The following KIF3C variants were observed in gnomAD, a reference collection of about 807,000 sequenced individuals.
The protein encoded by KIF3C is kinesin family member 3C.
In KIF3C, 12 loss-of-function variants were observed where a neutral mutation model predicts 67.7. That is an observed-to-expected ratio of 0.18 (90% CI 0.11 to 0.29). The LOEUF is 0.29. Ranked by LOEUF, KIF3C falls within the 10% of genes least tolerant of loss-of-function variation. KIF3C has a pLI of 1.00. For missense variants in KIF3C, 789 were observed against 1,059.6 expected (o/e 0.74, Z 3.55); for synonymous variants, 393 against 426.2 (o/e 0.92, Z 0.96).
intron 5 of KIF3C, among the ~76,000 whole-genome samples, chr2:25,933,466 T>C (rs962115413): frequency 3.3e-5 from 5 of 151,830 alleles, no homozygotes; most frequent in African/African-American, 1.2e-4. Context: ...AGCCCAGAAA[T>C]TTGAGTCCAG....
In KIF3C at chr2:25,963,671, T is replaced by G. The variant is rs930338749; in HGVS notation, c.1546-7227A>C. Among the ~76,000 whole-genome samples, 433 of 100,840 alleles carry G rather than the reference T, an allele frequency of 4.3e-3. 2 individuals carry two copies. Among genetic ancestry groups the G allele is most frequent in the African/African-American group, 0.019 (417 of 21,488 alleles). The allele number at this position is 100,840 out of a possible 152,430, so 66.2% of individuals were successfully genotyped here. A position where few individuals can be genotyped will look rare whatever the true frequency, so the allele number is the denominator to read the frequency against. On this transcript the variant is annotated intron_variant, in intron 1 of 7. Coordinates refer to ENST00000264712, the MANE Select transcript of KIF3C (RefSeq NM_002254.8). ...ACAGCATCATAGGCATGAAGTATTA[T>G]TATTATTATTATTATTATTATTATT... is the stretch of plus-strand genomic sequence containing the variant.
At chr2:25,963,995 A>G (rs1339017094) in intron 1 of KIF3C, among the ~76,000 whole-genome samples, 1 of 152,072 alleles carries the variant, frequency 6.6e-6, no homozygotes, top group Non-Finnish European at 1.5e-5. Flanking sequence ...CTGGCTCCGC[A>G]TGAAGTATTA....
chr2:25,951,362 G>C lies in KIF3C; in HGVS notation c.2006+427C>G, dbSNP rs143632545. On this transcript the variant is annotated intron_variant, in intron 5 of 7. Transcript: ENST00000264712. Reference sequence around the variant, plus strand: ...CCACTGGACTGTGAGCTCGGACCATGTCTAATTTATCTTCTGTCTCCTGAG... The same window carrying C: ...CCACTGGACTGTGAGCTCGGACCATCTCTAATTTATCTTCTGTCTCCTGAG... 2.8e-3 allele frequency: 489 copies of C among 171,796 alleles called. 5 individuals are homozygous for C. The highest frequency in any genetic ancestry group is 0.022 in the Admixed American group (385 of 17,508). The allele number at this position is 171,796 out of a possible 1,614,324, so 10.6% of individuals were successfully genotyped here. A position where few individuals can be genotyped will look rare whatever the true frequency, so the allele number is the denominator to read the frequency against.
intron 1 of KIF3C, among the ~76,000 whole-genome samples, chr2:25,974,258 C>T (rs886706658): frequency 4.6e-4 from 70 of 152,148 alleles, no homozygotes; most frequent in African/African-American, 1.6e-3. Context: ...TTAGTAGAGA[C>T]GGGGTTTCAC....
Position 25,951,857 on chromosome 2 carries a change from G to A in KIF3C, c.1938C>T (p.Ile646=). 6.2e-7 allele frequency: 1 copy of A among 1,614,096 alleles called. No homozygotes were observed. The highest frequency in any genetic ancestry group is 1.1e-5 in the South Asian group (1 of 91,076). The change falls in exon 5 of 8, where the codon ATC becomes ATT. Residue 646 remains isoleucine (I), a synonymous_variant. Coordinates refer to ENST00000264712, the MANE Select transcript of KIF3C (RefSeq NM_002254.8). The part of the protein sequence containing the change: ...NFIPPEEKNK[I]MNRLFLDCEE... ...CACAGTCCAGGAAAAGCCGGTTCAT[G>A]ATCTTGTTCTTCTCCTCCGGCGGGA...
chr2:25,979,410 G>C (rs1439900977), intron 1 of KIF3C, among the ~76,000 whole-genome samples: 1 of 152,102 alleles, frequency 6.6e-6, no homozygotes, highest in Non-Finnish European at 1.5e-5. Context: ...GGGTCGGTTG[G>C]CTTGCTGCTC....
At position 25,928,872 on chromosome 2, in the gene KIF3C, C is replaced by CGCACAT; in HGVS notation, c.*100_*105dup. ...ATTCTCACCCCTGCACACACGCACACGCACATGCACGCACACGCACACGCA... is the reference window on the plus strand; with the variant it reads ...ATTCTCACCCCTGCACACACGCACACGCACATGCACATGCACGCACACGCACACGCA... On this transcript the variant is annotated 3_prime_UTR_variant, in exon 8 of 8. Transcript: ENST00000264712. 1.2e-6 allele frequency: 1 copy of CGCACAT among 864,136 alleles called. No homozygotes were observed. Among genetic ancestry groups the CGCACAT allele is most frequent in the East Asian group, 2.5e-5 (1 of 40,742 alleles). The allele number at this position is 864,136 out of a possible 1,614,324, so 53.5% of individuals were successfully genotyped here.
chr2:25,961,841 T>G (rs557356837), intron 1 of KIF3C, among the ~76,000 whole-genome samples: 1 of 151,790 alleles, frequency 6.6e-6, no homozygotes, highest in Non-Finnish European at 1.5e-5. Context: ...TCCCAGCACT[T>G]TGGGAGGCCG....
intron 5 of KIF3C, among the ~76,000 whole-genome samples, chr2:25,941,811 G>A (rs1485524478): frequency 6.6e-6 from 1 of 150,738 alleles, no homozygotes; most frequent in Non-Finnish European, 1.5e-5. Flanking sequence ...AGGATCACTT[G>A]AGCCAAGAAG....
chr2:25,960,076 A>G (rs2149236356), intron 1 of KIF3C, among the ~76,000 whole-genome samples: 1 of 152,258 alleles, frequency 6.6e-6, no homozygotes, highest in Non-Finnish European at 1.5e-5. Context: ...GCTCTCAAAT[A>G]TCACTGCATG....
rs1023311603 is a variant in KIF3C at position 25,958,572 on chromosome 2, C to G, written c.1546-2128G>C. ...CTCCAGCCTGGGTGCCAGAGTGAGA[C>G]TTCATCACAAAAAACAAAAAACAAA... On this transcript the variant is annotated intron_variant, in intron 1 of 7. Coordinates refer to ENST00000264712, the MANE Select transcript of KIF3C (RefSeq NM_002254.8). This position sits in a 1 kb window ranked among gnomAD's most constrained non-coding sequence, Gnocchi z 4.5. Among the ~76,000 whole-genome samples, 1 of 151,252 alleles carries G rather than the reference C, an allele frequency of 6.6e-6. No individual in the cohort carries two copies. Among genetic ancestry groups the G allele is most frequent in the Non-Finnish European group, 1.5e-5 (1 of 67,766 alleles).
At position 25,951,892 on chromosome 2, in the gene KIF3C, C is replaced by T. The variant is rs1260024867; in HGVS notation, c.1903G>A (p.Glu635Lys). ...TTCTCCTCCGGCGGGATGAAGTTCT[C>T]GATGATTAGGTACCTGGGAGCAGGA... ...RELKLKYLII[E>K]NFIPPEEKNK... Residue 635 changes from glutamate to lysine, a missense_variant, in exon 5 of 8, where the codon GAG (glutamate) becomes AAG (lysine). Glu to Lys is a moderately conservative substitution (Grantham distance 56). Around this residue, in one of 2 missense-constraint regions of KIF3C, gnomAD observed 648 missense variants for 807.8 expected, o/e 0.80. Transcript: ENST00000264712. 2 of 1,612,496 alleles carry T rather than the reference C, an allele frequency of 1.2e-6. No homozygotes were observed. Among genetic ancestry groups the T allele is most frequent in the Non-Finnish European group, 1.7e-6 (2 of 1,178,740 alleles).
chr2:25,950,715 T>G (rs1663585457), intron 5 of KIF3C, among the ~76,000 whole-genome samples: 1 of 152,108 alleles, frequency 6.6e-6, no homozygotes, highest in African/African-American at 2.4e-5. Context: ...AAAACCTCTA[T>G]GACAGCTGAT....
At chr2:25,973,412 G>A (rs1038330801) in intron 1 of KIF3C, among the ~76,000 whole-genome samples, 1 of 152,070 alleles carries the variant, frequency 6.6e-6, no homozygotes, top group Admixed American at 6.6e-5. Context: ...AACTTAGCCA[G>A]GTGTGGTGGC....
intron 5 of KIF3C, among the ~76,000 whole-genome samples, chr2:25,941,524 C>T (rs1162898214): frequency 6.6e-6 from 1 of 151,182 alleles, no homozygotes; most frequent in Admixed American, 6.6e-5. Context: ...TGGAGACCAG[C>T]CTGGGCAACA....
chr2:25,981,569 G>T lies in KIF3C; in HGVS notation c.349C>A (p.Arg117Ser). 6.2e-7 allele frequency: 1 copy of T among 1,614,208 alleles called. No homozygotes were observed. The highest frequency in any genetic ancestry group is 8.5e-7 in the Non-Finnish European group (1 of 1,180,038). ...MQGTWVEPEL[R>S]GVIPNAFEHI... is the part of the protein sequence containing the mutation. ...TCAAAGGCATTCGGGATGACCCCGC[G>T]CAGCTCGGGCTCCACCCAGGTCCCC... The change falls in exon 1 of 8, where the codon CGC becomes AGC. Residue 117 changes from arginine (R) to serine (S), a missense_variant. Coordinates refer to ENST00000264712, the MANE Select transcript of KIF3C (RefSeq NM_002254.8). This position sits in a 1 kb window ranked among gnomAD's most constrained non-coding sequence, Gnocchi z 8.2.
At chr2:25,953,533 T>C (rs1234653374) in intron 4 of KIF3C, among the ~76,000 whole-genome samples, 3 of 151,528 alleles carry the variant, frequency 2.0e-5, no homozygotes, top group Non-Finnish European at 4.4e-5. Context: ...GCTAATTTTT[T>C]ATATTTTTAG....
chr2:25,929,032 A>C lies in KIF3C; in HGVS notation c.2328T>G (p.His776Gln). The C allele has an allele frequency of 6.2e-7, 1 of 1,613,188 alleles. No individual in the cohort carries two copies. The highest frequency in any genetic ancestry group is 2.2e-5 in the East Asian group (1 of 44,862). Residue 776 changes from histidine to glutamine, a missense_variant, in exon 8 of 8, where the codon CAT (histidine) becomes CAG (glutamine). His to Gln is a conservative substitution (Grantham distance 24, BLOSUM62 0). Coordinates refer to ENST00000264712, the MANE Select transcript of KIF3C (RefSeq NM_002254.8). The part of the protein sequence containing the change: ...SPQRPPPSTT[H>Q]ASLASASLRP... ...GCAGAGAAGCAGAGGCCAGGGAGGC[A>C]TGTGTGGTGGAAGGTGGAGGCCGCT...
rs753232230 is a variant in KIF3C, at chr2:25,955,866, C to T, written c.1648-203G>A. Among the ~76,000 whole-genome samples, 6 of 152,130 alleles carry T rather than the reference C, an allele frequency of 3.9e-5. No homozygotes were observed. Among genetic ancestry groups the T allele is most frequent in the Non-Finnish European group, 5.9e-5 (4 of 68,024 alleles). ...CCCAGGGCCATGCCTTTGCCAGGCT[C>T]TGCCCCATGTGGATGGAGACCCCAG... On this transcript the variant is annotated intron_variant, in intron 2 of 7. Coordinates refer to ENST00000264712, the MANE Select transcript of KIF3C (RefSeq NM_002254.8). This position sits in a 1 kb window ranked among gnomAD's most constrained non-coding sequence, Gnocchi z 5.0.
Sources: allele counts gnomAD v4.1 joint callset (sites outside exome capture counted in the v4.1 genomes callset), GRCh38; gene constraint gnomAD v4.1.1; regional missense constraint gnomAD v4.1.1; non-coding constraint Gnocchi (gnomAD v3.1); transcripts MANE v1.5; gene names NCBI Gene and HGNC (gene_info 2026-07-23, HGNC 2026-07-21).